VAMP7: variants seen among roughly 807,000 people sequenced by gnomAD.
The protein encoded by VAMP7 is vesicle-associated membrane protein 7.
A neutral mutation model predicts 29.6 loss-of-function variants in VAMP7; 14 were observed. The ratio of observed to expected loss-of-function variants is 0.47; its 90% CI spans 0.31 to 0.74. VAMP7 has a LOEUF of 0.74. Ranked by LOEUF, VAMP7 falls within the 30% of genes least tolerant of loss-of-function variation. The pLI is 0.05. For synonymous variants in VAMP7, 95 were observed against 88.1 expected (o/e 1.08, Z -0.44); for missense variants, 223 against 262.4 (o/e 0.85, Z 1.04).
chrX:155,919,772 A>G, intron 5 of VAMP7, 41 bp from the exon 6 acceptor site: 1 of 1,547,098 alleles, frequency 6.5e-7, no homozygotes, highest in South Asian at 1.1e-5. Context: ...TTTATTCTAC[A>G]ATGGAAAACT....
At chrX:155,925,767 A>G (rs1009446440) in intron 6 of VAMP7, among the ~76,000 whole-genome samples, 75 of 152,180 alleles carry the variant, frequency 4.9e-4, no homozygotes, top group Non-Finnish European at 1.2e-4. Flanking sequence ...CATTTATCTC[A>G]GTGAGCAGAG....
chrX:155,928,775 G>A (rs1230415546), intron 6 of VAMP7, among the ~76,000 whole-genome samples: 2 of 152,140 alleles, frequency 1.3e-5, no homozygotes, highest in Non-Finnish European at 2.9e-5. Flanking sequence ...TTCTTTATAG[G>A]TGAACTTGTT....
chrX:155,925,915 G>A (rs927764449), intron 6 of VAMP7, among the ~76,000 whole-genome samples: 8 of 151,996 alleles, frequency 5.3e-5, no homozygotes, highest in African/African-American at 1.7e-4. Flanking sequence ...TTATCTCCTC[G>A]TAAGTCTCCA....
At position 155,921,614 on chromosome X, in the gene VAMP7, G is replaced by A. The variant is rs754759278; in HGVS notation, c.501+1734G>A. Among the ~76,000 whole-genome samples, 12 of 151,136 alleles carry A rather than the reference G, an allele frequency of 7.9e-5. No individual in the cohort carries two copies. The South Asian group carries it at 2.1e-3, about 27-fold the overall frequency. ...CAAATCTACCACAATTTGTTTATCC[G>A]TTCTTCTCTGTGGGGCTTTATTTCT... On this transcript the variant is annotated intron_variant, in intron 6 of 7. Coordinates refer to ENST00000286448, the MANE Select transcript of VAMP7 (RefSeq NM_005638.6).
chrX:155,911,236 A>G (rs1352399507), intron 5 of VAMP7, among the ~76,000 whole-genome samples: 1 of 152,142 alleles, frequency 6.6e-6, no homozygotes, highest in East Asian at 1.9e-4. Context: ...GTTGAAAATC[A>G]GTTGCCTATA....
chrX:155,942,565 T>C lies in VAMP7; in HGVS notation c.*614T>C, dbSNP rs183989039. On this transcript the variant is annotated 3_prime_UTR_variant, in exon 8 of 8. Transcript: ENST00000286448. ...CAGAATTATCCTTGTCCTCCTAATATTGACTTTCAGGAATAAAGTTCAGTG... is the reference window on the plus strand; with the variant it reads ...CAGAATTATCCTTGTCCTCCTAATACTGACTTTCAGGAATAAAGTTCAGTG... 6.5e-5 allele frequency: 12 copies of C among 183,254 alleles called. No homozygotes were observed. The highest frequency in any genetic ancestry group is 1.3e-4 in the Non-Finnish European group (11 of 86,256). 11.4% of individuals were successfully genotyped at this position (183,254 alleles called of 1,614,324 possible).
intron 7 of VAMP7, 46 bp downstream of exon 7, chrX:155,939,839 A>G: frequency 1.4e-6 from 2 of 1,415,910 alleles, no homozygotes; most frequent in Admixed American, 1.7e-5. Flanking sequence ...TTCAATCTCT[A>G]AGAAATTAGG....
At chrX:155,882,776 A>G (rs762458239) in intron 1 of VAMP7, among the ~76,000 whole-genome samples, 2 of 152,354 alleles carry the variant, frequency 1.3e-5, no homozygotes, top group African/African-American at 2.4e-5. Flanking sequence ...AATATGCTCA[A>G]TGTTCACTCA....
At chrX:155,933,258 G>A (rs1472329650) in intron 6 of VAMP7, among the ~76,000 whole-genome samples, 1 of 152,124 alleles carries the variant, frequency 6.6e-6, no homozygotes, top group Non-Finnish European at 1.5e-5. Context: ...CTATTGATAG[G>A]AATAGTTTCA....
chrX:155,905,910 C>T (rs1203407909), intron 5 of VAMP7, among the ~76,000 whole-genome samples: 7 of 152,112 alleles, frequency 4.6e-5, no homozygotes, highest in Non-Finnish European at 7.4e-5. Flanking sequence ...ATGAGCTTGT[C>T]AATTTCAGAT....
At chrX:155,919,341 C>T (rs1357981079) in intron 5 of VAMP7, among the ~76,000 whole-genome samples, 1 of 152,036 alleles carries the variant, frequency 6.6e-6, no homozygotes, top group Non-Finnish European at 1.5e-5. Context: ...TGCATGTGTC[C>T]TGGGATTTAT....
At chrX:155,900,952 T>C (rs747840993) in intron 5 of VAMP7, among the ~76,000 whole-genome samples, 1 of 152,174 alleles carries the variant, frequency 6.6e-6, no homozygotes, top group East Asian at 1.9e-4. Context: ...TAGCACAGTG[T>C]TAGAGTGCTG....
chrX:155,913,489 G>A (rs1405121148), intron 5 of VAMP7, among the ~76,000 whole-genome samples: 1 of 152,038 alleles, frequency 6.6e-6, no homozygotes, highest in Non-Finnish European at 1.5e-5. Context: ...TTTCTTCTAG[G>A]GATTTTATGG....
rs752930252 is a variant in VAMP7, at chrX:155,894,257, C to T, written c.147-1366C>T. ...ATACTGCAGTAGTCTCCTGTCTGGTCCTCCTTTGAGTCAGTTTTCCGCACT... is the reference window on the plus strand; with the variant it reads ...ATACTGCAGTAGTCTCCTGTCTGGTTCTCCTTTGAGTCAGTTTTCCGCACT... On this transcript the variant is annotated intron_variant, in intron 2 of 7. Coordinates refer to ENST00000286448, the MANE Select transcript of VAMP7 (RefSeq NM_005638.6). 4.0e-5 allele frequency among the ~76,000 whole-genome samples: 6 copies of T among 150,254 alleles called. No individual in the cohort carries two copies. In the South Asian group the frequency reaches 1.3e-3, roughly 32 times the overall value.
Position 155,898,959 on chromosome X carries a change from G to T in VAMP7, c.342+710G>T, listed in dbSNP as rs773258686. ...TGTAAGGCTCTTGATATTCTTCCAT[G>T]TTGTATAAATCAGTAGTTTGTTCCC... is the stretch of plus-strand genomic sequence containing the variant. On this transcript the variant is annotated intron_variant, in intron 4 of 7. Transcript: ENST00000286448. Among the ~76,000 whole-genome samples the T allele has an allele frequency of 1.1e-3, 170 of 152,042 alleles. 1 individual carries two copies. Among genetic ancestry groups the T allele is most frequent in the African/African-American group, 4.0e-3 (164 of 41,516 alleles).
At chrX:155,914,274 G>T (rs757831898) in intron 5 of VAMP7, among the ~76,000 whole-genome samples, 25 of 152,084 alleles carry the variant, frequency 1.6e-4, no homozygotes, top group African/African-American at 6.0e-4. Flanking sequence ...GAGACAATGG[G>T]GTTTTCTAAA....
At position 155,935,633 on chromosome X, in the gene VAMP7, G is replaced by A. The variant is rs191350710; in HGVS notation, c.502-4068G>A. On this transcript the variant is annotated intron_variant, in intron 6 of 7. Coordinates refer to ENST00000286448, the MANE Select transcript of VAMP7 (RefSeq NM_005638.6). ...TTTTTTCAAGGTTTTTAGCTTCTTT[G>A]TGCTGGGTTCAAACTTCCTCCTTTA... Among the ~76,000 whole-genome samples, 29 of 151,252 alleles carry A rather than the reference G, an allele frequency of 1.9e-4. No individual in the cohort carries two copies. In the East Asian group the frequency reaches 5.0e-3, roughly 26 times the overall value.
At chrX:155,913,569 CCAGTTT>C (rs1224915901) in intron 5 of VAMP7, among the ~76,000 whole-genome samples, 1 of 152,048 alleles carries the variant, frequency 6.6e-6, no homozygotes, top group Non-Finnish European at 1.5e-5. Context: ...AGGAAGGGGG[CCAGTTT>C]CAGTTTTCTG....
chrX:155,929,446 G>GC (rs1002180414), intron 6 of VAMP7, among the ~76,000 whole-genome samples: 10 of 151,966 alleles, frequency 6.6e-5, no homozygotes, highest in East Asian at 1.9e-4. Flanking sequence ...TTAAACAGTT[G>GC]CCCCCCCTGG....
Sources: gnomAD v4.1 joint callset for allele counts (sites outside exome capture counted in the v4.1 genomes callset) on GRCh38, gnomAD v4.1.1 for gene constraint, MANE v1.5 for transcripts, NCBI Gene and HGNC (gene_info 2026-07-23, HGNC 2026-07-21) for gene names.